The following GATAD2B variants were observed in gnomAD, a reference collection of about 807,000 sequenced individuals.
GATAD2B encodes the protein transcriptional repressor p66-beta.
In GATAD2B, 8 loss-of-function variants were observed where a neutral mutation model predicts 64.3. The observed-to-expected ratio is 0.12, with a 90% CI of 0.07 to 0.22. The LOEUF is 0.22. GATAD2B is among the 10% of genes least tolerant of loss of function. The pLI, the probability that GATAD2B is intolerant of heterozygous loss-of-function variation, is 1.00. For missense variants in GATAD2B, 453 were observed against 752.0 expected, an observed-to-expected ratio of 0.60 and a Z score of 4.65; for synonymous variants, 281 against 271.3, an observed-to-expected ratio of 1.04 and a Z score of -0.35.
chr1:153,867,268 CAG>C (rs1676510538), intron 1 of GATAD2B, among the ~76,000 whole-genome samples: 1 of 152,148 alleles, frequency 6.6e-6, no homozygotes. Flanking sequence ...CAGAAACAAA[CAG>C]AACATATCAG....
chr1:153,833,791 C>T (rs1369911379), intron 1 of GATAD2B, among the ~76,000 whole-genome samples: 3 of 110,898 alleles, frequency 2.7e-5, no homozygotes, highest in Non-Finnish European at 5.1e-5. Context: ...GCCTGGGCAA[C>T]GAGAGCAAAA....
At chr1:153,821,744 T>C (rs1570932496) in intron 2 of GATAD2B, among the ~76,000 whole-genome samples, 2 of 151,906 alleles carry the variant, frequency 1.3e-5, no homozygotes, top group East Asian at 3.9e-4. Flanking sequence ...TTTTTTGTAT[T>C]TTTAGTAGAG....
At position 153,886,749 on chromosome 1, in the gene GATAD2B, C is replaced by T. The variant is rs957456434; in HGVS notation, c.-2+35984G>A. Reference sequence around the variant, plus strand: ...TTTTTTTTCGTATTTTTAGTAGAGACGGGGTTTCACTGTGTTAGCGAGGAT... The same window carrying T: ...TTTTTTTTCGTATTTTTAGTAGAGATGGGGTTTCACTGTGTTAGCGAGGAT... On this transcript the variant is annotated intron_variant, in intron 1 of 10. Transcript: ENST00000368655. Among the ~76,000 whole-genome samples the T allele has an allele frequency of 3.3e-5, 5 of 151,058 alleles. No individual in the cohort carries two copies. In the South Asian group the frequency reaches 1.0e-3, roughly 32 times the overall value.
At position 153,813,264 on chromosome 1, in the gene GATAD2B, G is replaced by A; in HGVS notation, c.1405C>T (p.Leu469=). The change falls in exon 8 of 11, where the codon CTA becomes TTA. Residue 469 remains leucine, a synonymous_variant. Coordinates refer to ENST00000368655, the MANE Select transcript of GATAD2B (RefSeq NM_020699.4). Reference sequence around the variant, plus strand: ...AGAATTCTTACCTGTTCCTGCTGTAGGGCTTTCACAAATGCATTTTTCAGC... The same window carrying A: ...AGAATTCTTACCTGTTCCTGCTGTAAGGCTTTCACAAATGCATTTTTCAGC... ...NRLKNAFVKA[L]QQEQEIEQRL... is the part of the protein sequence containing the mutation. The A allele has an allele frequency of 6.2e-7, 1 of 1,613,920 alleles. No individual in the cohort carries two copies. The highest frequency in any genetic ancestry group is 1.3e-5 in the African/African-American group (1 of 75,046).
chr1:153,811,445 T>C (rs952314456), intron 10 of GATAD2B, among the ~76,000 whole-genome samples: 5 of 152,166 alleles, frequency 3.3e-5, no homozygotes, highest in African/African-American at 1.2e-4. Context: ...AACCCTGCTG[T>C]CCCGGCCAAA....
chr1:153,874,254 T>C (rs1246897277), intron 1 of GATAD2B, among the ~76,000 whole-genome samples: 2 of 145,118 alleles, frequency 1.4e-5, no homozygotes, highest in African/African-American at 5.0e-5. Context: ...AGAGCAACAC[T>C]CCGTCTCAAA....
chr1:153,879,749 G>A (rs988410750), intron 1 of GATAD2B, among the ~76,000 whole-genome samples: 7 of 128,038 alleles, frequency 5.5e-5, no homozygotes, highest in African/African-American at 5.9e-5. Context: ...GCAACAGAGC[G>A]AGACACTGTC....
chr1:153,814,391 T>C (rs1674387592), intron 7 of GATAD2B, among the ~76,000 whole-genome samples: 1 of 152,258 alleles, frequency 6.6e-6, no homozygotes, highest in Non-Finnish European at 1.5e-5. Flanking sequence ...TAGTTATCTA[T>C]GTAAGTGTGT....
chr1:153,919,784 A>T (rs1161605252), intron 1 of GATAD2B, among the ~76,000 whole-genome samples: 2 of 152,236 alleles, frequency 1.3e-5, no homozygotes, highest in Non-Finnish European at 1.5e-5. Context: ...ATTTACAGTC[A>T]ATCTGGGTGT....
intron 1 of GATAD2B, among the ~76,000 whole-genome samples, chr1:153,861,795 A>AAAAAAAAAAAAAAATAT (rs371843941): frequency 1.0e-5 from 1 of 98,546 alleles, no homozygotes; most frequent in Admixed American, 1.4e-4. Flanking sequence ...AAAAAAAAAA[A>AAAAAAAAAAAAAAATAT]ATATATATAT....
chr1:153,870,430 G>A (rs761177624), intron 1 of GATAD2B, among the ~76,000 whole-genome samples: 4 of 152,048 alleles, frequency 2.6e-5, no homozygotes, highest in Non-Finnish European at 5.9e-5. Flanking sequence ...AAAATTAGCC[G>A]GACGTGGTGG....
intron 1 of GATAD2B, among the ~76,000 whole-genome samples, chr1:153,900,202 G>A (rs1371297252): frequency 6.6e-6 from 1 of 151,934 alleles, no homozygotes; most frequent in Non-Finnish European, 1.5e-5. Flanking sequence ...CGGATCACGA[G>A]GTCAGGAATT....
chr1:153,887,602 T>C (rs1677223462), intron 1 of GATAD2B, among the ~76,000 whole-genome samples: 1 of 152,152 alleles, frequency 6.6e-6, no homozygotes. Flanking sequence ...AAAGTAGTAC[T>C]CCTATTTTAT....
rs1487160128 is a variant in GATAD2B, at chr1:153,816,173, A to G, written c.1216+100T>C. 1.3e-6 allele frequency: 1 copy of G among 755,540 alleles called. No homozygotes were observed. The highest frequency in any genetic ancestry group is 2.2e-6 in the Non-Finnish European group (1 of 446,564). 46.8% of individuals were successfully genotyped at this position (755,540 alleles called of 1,614,324 possible). On this transcript the variant is annotated intron_variant, in intron 7 of 10. Coordinates refer to ENST00000368655, the MANE Select transcript of GATAD2B (RefSeq NM_020699.4). The surrounding 1 kb of genome is among the most constrained non-coding windows in gnomAD (Gnocchi z 4.9). The stretch of plus-strand genomic sequence containing the variant: ...AGGTGGTTTGGTAACAGGAAGGAGA[A>G]GTTATTTAATATTGTACAGTACCCT...
intron 1 of GATAD2B, among the ~76,000 whole-genome samples, chr1:153,857,593 C>A (rs1324635154): frequency 6.6e-6 from 1 of 152,080 alleles, no homozygotes; most frequent in Non-Finnish European, 1.5e-5. Context: ...TCACTATATT[C>A]ACTATAGTCC....
At chr1:153,861,852 A>G (rs1346417463) in intron 1 of GATAD2B, among the ~76,000 whole-genome samples, 1 of 145,336 alleles carries the variant, frequency 6.9e-6, no homozygotes, top group African/African-American at 2.5e-5. Flanking sequence ...GTATGTACGT[A>G]TATGTATATA....
chr1:153,859,620 A>G (rs1676206603), intron 1 of GATAD2B, among the ~76,000 whole-genome samples: 2 of 149,240 alleles, frequency 1.3e-5, no homozygotes, highest in Non-Finnish European at 3.0e-5. Flanking sequence ...CAGTGAGCTG[A>G]GACTGCACCA....
intron 4 of GATAD2B, 125 bp from the exon 5 acceptor site, chr1:153,818,296 A>G: frequency 1.3e-6 from 1 of 750,340 alleles, no homozygotes; most frequent in Non-Finnish European, 2.1e-6. Flanking sequence ...AAAACCAGAA[A>G]AAGGGAGTCA....
chr1:153,890,498 A>C (rs1570992514), intron 1 of GATAD2B: 1 of 152,054 alleles, frequency 6.6e-6, no homozygotes, highest in Non-Finnish European at 1.5e-5. Flanking sequence ...AAAAAAAAAA[A>C]AAAAAACGAC....
Sources: allele counts gnomAD v4.1 joint callset (sites outside exome capture counted in the v4.1 genomes callset), GRCh38; gene constraint gnomAD v4.1.1; non-coding constraint Gnocchi (gnomAD v3.1); transcripts MANE v1.5; gene names NCBI Gene and HGNC (gene_info 2026-07-23, HGNC 2026-07-21).